The following NCAM2 variants were observed in gnomAD, a reference collection of about 807,000 sequenced individuals.
NCAM2 encodes the protein neural cell adhesion molecule 2.
Under a neutral mutation model 98.1 loss-of-function variants are expected in NCAM2, and 30 were observed. That is an observed-to-expected ratio of 0.31 (90% CI 0.23 to 0.41). The LOEUF (loss-of-function observed/expected upper bound fraction) is 0.41. Among genes scored for constraint, NCAM2 ranks in the 10% least tolerant of loss-of-function variants. The pLI is 1.00. For missense variants in NCAM2, 867 were observed against 1,005.8 expected (o/e 0.86, Z 1.87); for synonymous variants, 368 against 342.4 (o/e 1.07, Z -0.83).
At chr21:21,493,655 C>G (rs1484846492) in intron 15 of NCAM2, among the ~76,000 whole-genome samples, 1 of 151,802 alleles carries the variant, frequency 6.6e-6, no homozygotes, top group Non-Finnish European at 1.5e-5. Context: ...ATTTTGGTAC[C>G]ATACATAATA....
chr21:21,449,502 T>G (rs954084609), intron 12 of NCAM2, among the ~76,000 whole-genome samples: 5 of 152,050 alleles, frequency 3.3e-5, no homozygotes, highest in Non-Finnish European at 1.5e-5. Flanking sequence ...AGAATTCTTG[T>G]GGGCTCTCAT....
chr21:21,198,737 T>A (rs1024325055), intron 1 of NCAM2, among the ~76,000 whole-genome samples: 2 of 152,180 alleles, frequency 1.3e-5, no homozygotes. Context: ...CCTGTTTCTC[T>A]CTATATTGTC....
intron 1 of NCAM2, among the ~76,000 whole-genome samples, chr21:21,234,447 T>G (rs1371567490): frequency 2.6e-5 from 4 of 151,936 alleles, no homozygotes; most frequent in African/African-American, 9.7e-5. Flanking sequence ...TACATTTTAA[T>G]TAAATGGAAA....
At chr21:21,183,272 A>G (rs943794589) in intron 1 of NCAM2, among the ~76,000 whole-genome samples, 3 of 152,166 alleles carry the variant, frequency 2.0e-5, no homozygotes, top group Admixed American at 2.0e-4. Flanking sequence ...TAACTGATAC[A>G]TTATGAGGCC....
Position 21,531,203 on chromosome 21 carries a change from T to G in NCAM2, c.2283-3334T>G, listed in dbSNP as rs549648615. Among the ~76,000 whole-genome samples, 67 of 152,344 alleles carry G rather than the reference T, an allele frequency of 4.4e-4. No homozygotes were observed. The Middle Eastern group carries it at 0.014, about 31-fold the overall frequency. Reference sequence around the variant, plus strand: ...TTGATTTTGTATTACTTGCAAATATTTATTTATATGATGCTATTTATTACA... The same window carrying G: ...TTGATTTTGTATTACTTGCAAATATGTATTTATATGATGCTATTTATTACA... On this transcript the variant is annotated intron_variant, in intron 16 of 17. Transcript: ENST00000400546.
chr21:21,491,183 C>T (rs769979127), intron 15 of NCAM2, among the ~76,000 whole-genome samples: 4 of 151,760 alleles, frequency 2.6e-5, no homozygotes, highest in Non-Finnish European at 5.9e-5. Flanking sequence ...AAAATAATTT[C>T]GTGACAATAT....
chr21:21,011,779 C>G (rs9982970), intron 1 of NCAM2, among the ~76,000 whole-genome samples: 82,891 of 151,794 alleles, frequency 0.55, 23,066 homozygotes, highest in East Asian at 0.81. Context: ...TCAGATAACT[C>G]AATATCAAGA....
intron 1 of NCAM2, among the ~76,000 whole-genome samples, chr21:21,262,637 G>A (rs1025643526): frequency 2.3e-5 from 2 of 85,976 alleles, no homozygotes; most frequent in Admixed American, 1.7e-4. Flanking sequence ...AATAGTGGAA[G>A]ACCTAGCCAG....
At position 21,335,553 on chromosome 21, in the gene NCAM2, C is replaced by A; in HGVS notation, c.786C>A (p.Ser262Arg). The A allele has an allele frequency of 6.2e-7, 1 of 1,608,004 alleles. No homozygotes were observed. Among genetic ancestry groups the A allele is most frequent in the South Asian group, 1.1e-5 (1 of 90,282 alleles). ...ATGAGAAGTACATATTGAAAGGGAGCAATACAGAACTCACTGTCAGGAACA... is the reference window on the plus strand; with the variant it reads ...ATGAGAAGTACATATTGAAAGGGAGAAATACAGAACTCACTGTCAGGAACA... ...EENEKYILKG[S>R]NTELTVRNII... The change falls in exon 7 of 18, where the codon AGC becomes AGA. Residue 262 changes from serine to arginine, a missense_variant. Physicochemically the swap from Ser to Arg is moderately radical, Grantham distance 110. Around this residue, in one of 5 missense-constraint regions of NCAM2, gnomAD observed 447 missense variants for 495.7 expected, o/e 0.90. Coordinates refer to ENST00000400546, the MANE Select transcript of NCAM2 (RefSeq NM_004540.5).
At chr21:21,429,390 A>G (rs1260265293) in intron 11 of NCAM2, among the ~76,000 whole-genome samples, 1 of 152,188 alleles carries the variant, frequency 6.6e-6, no homozygotes, top group Non-Finnish European at 1.5e-5. Flanking sequence ...AGGATAGATA[A>G]TATCTCCCTC....
intron 14 of NCAM2, 120 bp from the exon 15 acceptor site, chr21:21,477,171 T>A: frequency 1.5e-6 from 1 of 647,372 alleles, no homozygotes; most frequent in South Asian, 3.8e-5. Context: ...TCCCTGTGCC[T>A]ATGAAAATTG....
At chr21:21,316,023 C>CTTTTGTT (rs1475434916) in intron 5 of NCAM2, among the ~76,000 whole-genome samples, 2 of 152,094 alleles carry the variant, frequency 1.3e-5, no homozygotes, top group African/African-American at 2.4e-5. Flanking sequence ...AAGTGATTTT[C>CTTTTGTT]AGATGCTTAC....
chr21:21,403,601 G>T (rs1322636827), intron 9 of NCAM2, among the ~76,000 whole-genome samples: 2 of 152,038 alleles, frequency 1.3e-5, no homozygotes, highest in Non-Finnish European at 2.9e-5. Flanking sequence ...CATAAATTTT[G>T]ATATTATTTT....
chr21:21,287,347 C>CTTTTA (rs908112050), intron 4 of NCAM2, among the ~76,000 whole-genome samples: 16 of 151,902 alleles, frequency 1.1e-4, no homozygotes, highest in African/African-American at 3.9e-4. Flanking sequence ...GTTCAATAGT[C>CTTTTA]ACTTTTTTAA....
chr21:21,438,909 C>T (rs1480615613), intron 12 of NCAM2, among the ~76,000 whole-genome samples: 1 of 151,720 alleles, frequency 6.6e-6, no homozygotes, highest in Non-Finnish European at 1.5e-5. Context: ...AAAGCAAGAC[C>T]CCGTCTCTCT....
chr21:21,444,572 T>C (rs1266269276), intron 12 of NCAM2, among the ~76,000 whole-genome samples: 1 of 152,144 alleles, frequency 6.6e-6, no homozygotes, highest in Non-Finnish European at 1.5e-5. Flanking sequence ...GGAGGGTGTA[T>C]GTGTCCAGGA....
intron 1 of NCAM2, among the ~76,000 whole-genome samples, chr21:21,270,946 AT>A (rs374309457): frequency 0.021 from 3,086 of 146,434 alleles, 54 homozygotes; most frequent in African/African-American, 0.054. Flanking sequence ...TCTTTTAGTT[AT>A]TTTTTTTTTA....
intron 5 of NCAM2, among the ~76,000 whole-genome samples, chr21:21,301,393 T>G (rs1047134742): frequency 6.6e-6 from 1 of 151,120 alleles, no homozygotes; most frequent in Non-Finnish European, 1.5e-5. Flanking sequence ...TATTTTTTTT[T>G]TTTAATTATA....
chr21:21,257,394 G>C (rs2071714495), intron 1 of NCAM2, among the ~76,000 whole-genome samples: 1 of 152,144 alleles, frequency 6.6e-6, no homozygotes, highest in South Asian at 2.1e-4. Flanking sequence ...AGGAACCCTT[G>C]ATGGCAGATA....
Sources: allele counts gnomAD v4.1 joint callset (sites outside exome capture counted in the v4.1 genomes callset), GRCh38; gene constraint gnomAD v4.1.1; regional missense constraint gnomAD v4.1.1; transcripts MANE v1.5; gene names NCBI Gene and HGNC (gene_info 2026-07-23, HGNC 2026-07-21).